TENM3: variants seen among roughly 807,000 people sequenced by gnomAD.
TENM3 encodes the protein teneurin transmembrane protein 3.
TENM3 carries 63 observed loss-of-function variants against 255.1 expected under a neutral mutation model. The observed-to-expected ratio is 0.25, with a 90% CI of 0.20 to 0.30. The LOEUF (loss-of-function observed/expected upper bound fraction) is 0.30. Ranked by LOEUF, TENM3 falls within the 10% of genes least tolerant of loss-of-function variation. The probability of loss-of-function intolerance (pLI) is 1.00; values close to 1 mark genes in which losing one functional copy is unlikely to be tolerated. For missense variants in TENM3, 2,929 were observed against 3,461.1 expected (o/e 0.85, Z 3.86); for synonymous variants, 1,306 against 1,322.3 (o/e 0.99, Z 0.27).
the TENM3 span, among the ~76,000 whole-genome samples, chr4:181,451,661 T>C: frequency 6.6e-6 from 1 of 152,034 alleles, no homozygotes; most frequent in Non-Finnish European, 1.5e-5. Context: ...AGGTTAAAGA[T>C]GAAGAAGAGA....
At chr4:182,609,443 C>G (rs954274022) in intron 4 of TENM3, among the ~76,000 whole-genome samples, 7 of 152,178 alleles carry the variant, frequency 4.6e-5, no homozygotes, top group Non-Finnish European at 7.3e-5. Context: ...TTCTATTACA[C>G]CAGTCTGAGA....
the TENM3 span, among the ~76,000 whole-genome samples, chr4:181,723,811 A>C: frequency 4.6e-5 from 7 of 152,130 alleles, no homozygotes; most frequent in African/African-American, 1.7e-4. Flanking sequence ...GACAATTCTC[A>C]ATGGATTTTT....
chr4:182,726,091 C>T (rs1459246306), intron 13 of TENM3, among the ~76,000 whole-genome samples: 1 of 152,088 alleles, frequency 6.6e-6, no homozygotes, highest in African/African-American at 2.4e-5. Flanking sequence ...TATCAGAAAT[C>T]CTGACCCACA....
chr4:181,453,548 T>C, the TENM3 span, among the ~76,000 whole-genome samples: 1 of 138,140 alleles, frequency 7.2e-6, no homozygotes, highest in Non-Finnish European at 1.6e-5. Flanking sequence ...AAGAGTCATG[T>C]AAAAGTTGAT....
chr4:182,060,280 C>T, the TENM3 span, among the ~76,000 whole-genome samples: 5 of 152,166 alleles, frequency 3.3e-5, no homozygotes, highest in East Asian at 9.6e-4. Flanking sequence ...GCAGCAGTCC[C>T]CAACCTTTTT....
chr4:181,628,271 C>T, the TENM3 span, among the ~76,000 whole-genome samples: 1 of 152,120 alleles, frequency 6.6e-6, no homozygotes, highest in African/African-American at 2.4e-5. Flanking sequence ...TATTTTCTCC[C>T]ATTCTGTAGG....
the TENM3 span, among the ~76,000 whole-genome samples, chr4:181,704,980 G>T: frequency 2.0e-5 from 3 of 150,448 alleles, no homozygotes; most frequent in Middle Eastern, 3.5e-3. Flanking sequence ...AGTGAGCCCA[G>T]ATCACACCAC....
At chr4:181,455,624 G>T in the TENM3 span, among the ~76,000 whole-genome samples, 1 of 151,886 alleles carries the variant, frequency 6.6e-6, no homozygotes, top group Non-Finnish European at 1.5e-5. Context: ...AAGATTATCT[G>T]GTTGCTTGTA....
chr4:182,122,294 T>C, the TENM3 span, among the ~76,000 whole-genome samples: 2 of 152,258 alleles, frequency 1.3e-5, no homozygotes, highest in African/African-American at 4.8e-5. Flanking sequence ...ATGTTCTTAA[T>C]TGGATCTAGA....
At chr4:182,116,680 T>A in the TENM3 span, among the ~76,000 whole-genome samples, 2 of 152,236 alleles carry the variant, frequency 1.3e-5, no homozygotes, top group Admixed American at 1.3e-4. Context: ...CAAGTATTTC[T>A]TCACAGCAGC....
At chr4:182,194,370 G>A (rs187522331) in intron 1 of TENM3, among the ~76,000 whole-genome samples, 5 of 152,142 alleles carry the variant, frequency 3.3e-5, no homozygotes, top group East Asian at 1.9e-4. Flanking sequence ...CCAAACCTTC[G>A]GTATTTACAC....
the TENM3 span, among the ~76,000 whole-genome samples, chr4:181,896,035 T>C: frequency 6.6e-6 from 1 of 152,196 alleles, no homozygotes; most frequent in African/African-American, 2.4e-5. Context: ...TCTACTGTTA[T>C]TCCTACTGTG....
At chr4:182,559,910 T>C (rs1742969267) in intron 3 of TENM3, among the ~76,000 whole-genome samples, 1 of 152,086 alleles carries the variant, frequency 6.6e-6, no homozygotes, top group Non-Finnish European at 1.5e-5. Flanking sequence ...AATAATTGAA[T>C]ATAATTGGAT....
chr4:182,003,839 CTGTG>C, the TENM3 span, among the ~76,000 whole-genome samples: 332 of 151,858 alleles, frequency 2.2e-3, no homozygotes, highest in Non-Finnish European at 3.7e-3. Flanking sequence ...AAATATTTCC[CTGTG>C]TGTAAGTTTC....
the TENM3 span, among the ~76,000 whole-genome samples, chr4:181,473,077 TTTAA>T: frequency 1.3e-5 from 2 of 152,224 alleles, no homozygotes; most frequent in South Asian, 4.1e-4. Context: ...TAATAAAGAT[TTTAA>T]TTAAACAATA....
At chr4:182,309,273 A>G (rs117052445) in intron 1 of TENM3, among the ~76,000 whole-genome samples, 2,533 of 152,270 alleles carry the variant, frequency 0.017, 53 homozygotes, top group Admixed American at 0.065. Flanking sequence ...GGGATCCGTG[A>G]GGAAGGTGCC....
chr4:182,442,879 C>CAT (rs374176073), intron 3 of TENM3, among the ~76,000 whole-genome samples: 15 of 128,544 alleles, frequency 1.2e-4, no homozygotes, highest in African/African-American at 4.2e-4. Context: ...CACACACACA[C>CAT]ATATATATAT....
At chr4:181,874,263 C>T in the TENM3 span, among the ~76,000 whole-genome samples, 2 of 152,170 alleles carry the variant, frequency 1.3e-5, no homozygotes, top group South Asian at 2.1e-4. Flanking sequence ...TCTGGTTGAT[C>T]ATGTGGTTGA....
intron 3 of TENM3, among the ~76,000 whole-genome samples, chr4:182,505,514 T>C (rs1428486014): frequency 6.6e-6 from 1 of 152,108 alleles, no homozygotes; most frequent in Non-Finnish European, 1.5e-5. Flanking sequence ...GTTTCACCCT[T>C]ATTGCCCAGG....
Sources: allele counts gnomAD v4.1 joint callset (sites outside exome capture counted in the v4.1 genomes callset), GRCh38; gene constraint gnomAD v4.1.1; transcripts MANE v1.5; gene names NCBI Gene and HGNC (gene_info 2026-07-23, HGNC 2026-07-21).